The following IFT140 variants were observed in gnomAD, a reference collection of about 807,000 sequenced individuals.
The protein encoded by IFT140 is intraflagellar transport 140.
IFT140 carries 133 observed loss-of-function variants against 164.6 expected under a neutral mutation model. That is an observed-to-expected ratio of 0.81 (90% CI 0.70 to 0.93). The LOEUF (loss-of-function observed/expected upper bound fraction) is 0.93, where lower values mean the gene tolerates loss of function less well. IFT140 is among the 40% of genes least tolerant of loss of function. The pLI is 0.00. For synonymous variants in IFT140, 860 were observed against 817.3 expected (o/e 1.05, Z -0.89); for missense variants, 2,045 against 1,972.3 (o/e 1.04, Z -0.70).
intron 4 of IFT140, among the ~76,000 whole-genome samples, chr16:1,594,204 C>A (rs1034675947): frequency 4.6e-5 from 7 of 151,432 alleles, no homozygotes; most frequent in Non-Finnish European, 1.0e-4. Flanking sequence ...TACCTAGGTT[C>A]ATTTTATAAA....
At chr16:1,574,492 G>A (rs12596975) in intron 13 of IFT140, among the ~76,000 whole-genome samples, 25,044 of 152,100 alleles carry the variant, frequency 0.16, 2,461 homozygotes, top group African/African-American at 0.25. Context: ...TGTTGCCCAG[G>A]CTGGTCTGGA....
At chr16:1,585,763 TTTC>T (rs2034836063) in intron 10 of IFT140, among the ~76,000 whole-genome samples, 1 of 150,560 alleles carries the variant, frequency 6.6e-6, no homozygotes, top group South Asian at 2.1e-4. Context: ...TGGCCTCCAC[TTTC>T]TTTTTTTTTT....
At chr16:1,610,950 C>T (rs532153600) in intron 1 of IFT140, 97 bp from the exon 2 acceptor site, 3 of 152,458 alleles carry the variant, frequency 2.0e-5, no homozygotes, top group South Asian at 2.1e-4. Context: ...CTGTCACAGC[C>T]CCGATCAACC....
In IFT140 at chr16:1,564,192, C is replaced by T; in HGVS notation, c.1902-30G>A. 2 of 1,531,584 alleles carry T rather than the reference C, an allele frequency of 1.3e-6. No individual in the cohort carries two copies. The highest frequency in any genetic ancestry group is 1.2e-5 in the South Asian group (1 of 80,354). 94.9% of individuals were successfully genotyped at this position (1,531,584 alleles called of 1,614,324 possible). A position where few individuals can be genotyped will look rare whatever the true frequency, so the allele number is the denominator to read the frequency against. On this transcript the variant is annotated intron_variant, in intron 16 of 30. Transcript: ENST00000426508. The surrounding 1 kb of genome is among the most constrained non-coding windows in gnomAD (Gnocchi z 5.5). ...AAGACAAAGGAAGACCCGTTTCAAC[C>T]CCAGGGCGGGCACTCCTGCTACCAG...
At chr16:1,512,112 G>A (rs1012674854) in intron 30 of IFT140, among the ~76,000 whole-genome samples, 11 of 144,904 alleles carry the variant, frequency 7.6e-5, no homozygotes, top group African/African-American at 2.6e-4. Context: ...CGGAGGGCGG[G>A]TGAGGGGTGG....
chr16:1,523,795 T>G (rs1567327072), intron 25 of IFT140, 33 bp downstream of exon 25: 1 of 1,606,710 alleles, frequency 6.2e-7, no homozygotes, highest in Non-Finnish European at 8.5e-7. Context: ...TTGCTGCCCC[T>G]CCCCCAGGTC....
chr16:1,557,903 T>C (rs745391038), intron 19 of IFT140, 32 bp downstream of exon 19: 2 of 1,602,910 alleles, frequency 1.2e-6, no homozygotes, highest in Non-Finnish European at 1.7e-6. Context: ...GCACGCGCTA[T>C]CTCCCAACAT....
rs926402326 is a variant in IFT140 at position 1,602,669 on chromosome 16, C to T, written c.148-78G>A. ...TAAGAACTTCTGTCTAGGCCGGGCA[C>T]GGCGGCTCACTCCTGTAATTACAGC... On this transcript the variant is annotated intron_variant, in intron 3 of 30. Coordinates refer to ENST00000426508, the MANE Select transcript of IFT140 (RefSeq NM_014714.4). The T allele has an allele frequency of 1.3e-5, 18 of 1,340,072 alleles. No homozygotes were observed. The East Asian group carries it at 1.9e-4, about 14-fold the overall frequency. The allele number at this position is 1,340,072 out of a possible 1,614,324, so 83.0% of individuals were successfully genotyped here.
At chr16:1,557,828 T>G (rs972616169) in intron 19 of IFT140, 107 bp downstream of exon 19, 1 of 1,082,602 alleles carries the variant, frequency 9.2e-7, no homozygotes, top group Non-Finnish European at 1.4e-6. Flanking sequence ...GACGCAGTCA[T>G]GAGGAGTCAA....
chr16:1,599,959 C>G (rs2035703765), intron 4 of IFT140, among the ~76,000 whole-genome samples: 6 of 140,842 alleles, frequency 4.3e-5, no homozygotes, highest in Admixed American at 3.4e-4. Flanking sequence ...GTGTACCCAA[C>G]AGCTCATTGA....
In IFT140 at chr16:1,600,726, C is replaced by T. The variant is rs191540386; in HGVS notation, c.369+1644G>A. Among the ~76,000 whole-genome samples the T allele has an allele frequency of 2.6e-5, 4 of 152,206 alleles. No homozygotes were observed. The East Asian group carries it at 5.8e-4, about 22-fold the overall frequency. On this transcript the variant is annotated intron_variant, in intron 4 of 30. Coordinates refer to ENST00000426508, the MANE Select transcript of IFT140 (RefSeq NM_014714.4). ...TGACAGTGTGTATAGGATGCCACCA[C>T]TGATGTGAAAAAGAATGAGGAAATC...
Position 1,569,648 on chromosome 16 carries a change from T to C in IFT140, c.1653-1314A>G, listed in dbSNP as rs958328407. Among the ~76,000 whole-genome samples, 5 of 151,488 alleles carry C rather than the reference T, an allele frequency of 3.3e-5. No individual in the cohort carries two copies. The South Asian group carries it at 1.1e-3, about 32-fold the overall frequency. On this transcript the variant is annotated intron_variant, in intron 14 of 30. Coordinates refer to ENST00000426508, the MANE Select transcript of IFT140 (RefSeq NM_014714.4). ...CTCTGTCGCCCAGGCTGTAGTGCAG[T>C]GGTGTGATCTTGGCTCACTGCAGCC...
intron 19 of IFT140, among the ~76,000 whole-genome samples, chr16:1,528,994 C>A (rs1010253501): frequency 1.3e-5 from 2 of 152,146 alleles, no homozygotes; most frequent in African/African-American, 4.8e-5. Context: ...GAGATGGTAG[C>A]CCCGGGCAGG....
chr16:1,580,700 A>T lies in IFT140; in HGVS notation c.1524+59T>A, dbSNP rs1164487104. 2.6e-6 allele frequency: 3 copies of T among 1,151,428 alleles called. No individual in the cohort carries two copies. The African/African-American group carries it at 4.6e-5, about 17-fold the overall frequency. 71.3% of individuals were successfully genotyped at this position (1,151,428 alleles called of 1,614,324 possible). On this transcript the variant is annotated intron_variant, in intron 13 of 30. Coordinates refer to ENST00000426508, the MANE Select transcript of IFT140 (RefSeq NM_014714.4). ...AAATCAATAAACAGGCTTTGTCTCA[A>T]TTGAGAGGCAGGATTTCAAACTCTG...
At chr16:1,546,998 G>A (rs985953433) in intron 19 of IFT140, among the ~76,000 whole-genome samples, 8 of 152,226 alleles carry the variant, frequency 5.3e-5, no homozygotes, top group African/African-American at 9.6e-5. Context: ...CTCTGCATCC[G>A]TGTGGGGACC....
chr16:1,546,664 C>G (rs576830080), intron 19 of IFT140, among the ~76,000 whole-genome samples: 1 of 152,356 alleles, frequency 6.6e-6, no homozygotes, highest in South Asian at 2.1e-4. Flanking sequence ...AAACTGTCCT[C>G]TTGGCAAGAA....
At chr16:1,598,096 G>T (rs2035552987) in intron 4 of IFT140, among the ~76,000 whole-genome samples, 1 of 152,088 alleles carries the variant, frequency 6.6e-6, no homozygotes, top group South Asian at 2.1e-4. Flanking sequence ...ACAGAAAAAT[G>T]GAAGAAAAAT....
rs550489351 is a variant in IFT140, at chr16:1,551,631, C to T, written c.2399+6304G>A. On this transcript the variant is annotated intron_variant, in intron 19 of 30. Coordinates refer to ENST00000426508, the MANE Select transcript of IFT140 (RefSeq NM_014714.4). This position sits in a 1 kb window ranked among gnomAD's most constrained non-coding sequence, Gnocchi z 4.0. ...CGGCACTGCTGCAGACACCTTGAAA[C>T]GTCCAGCACATTCCTCACTGTCGAA... 1.9e-4 allele frequency among the ~76,000 whole-genome samples: 29 copies of T among 152,238 alleles called. No homozygotes were observed. Among genetic ancestry groups the T allele is most frequent in the Non-Finnish European group, 3.2e-4 (22 of 68,040 alleles).
chr16:1,525,024 C>T (rs2040642545), intron 22 of IFT140, 108 bp from the exon 23 acceptor site: 17 of 1,461,786 alleles, frequency 1.2e-5, no homozygotes, highest in Non-Finnish European at 1.6e-5. Context: ...ACCTGACCTG[C>T]AAACAGGCTG....
Sources: allele counts gnomAD v4.1 joint callset (sites outside exome capture counted in the v4.1 genomes callset), GRCh38; gene constraint gnomAD v4.1.1; non-coding constraint Gnocchi (gnomAD v3.1); transcripts MANE v1.5; gene names NCBI Gene and HGNC (gene_info 2026-07-23, HGNC 2026-07-21).